DSCAM: variants seen among roughly 807,000 people sequenced by gnomAD.
DSCAM encodes the protein cell adhesion molecule DSCAM.
A neutral mutation model predicts 217.7 loss-of-function variants in DSCAM; 47 were observed. That is an observed-to-expected ratio of 0.22 (90% CI 0.17 to 0.28). DSCAM has a LOEUF of 0.28. Among genes scored for constraint, DSCAM ranks in the 10% least tolerant of loss-of-function variants. The probability of loss-of-function intolerance (pLI) is 1.00; values close to 1 mark genes in which losing one functional copy is unlikely to be tolerated. For synonymous variants in DSCAM, 1,056 were observed against 1,015.3 expected, an observed-to-expected ratio of 1.04 and a Z score of -0.76; for missense variants, 2,080 against 2,618.3, an observed-to-expected ratio of 0.79 and a Z score of 4.49.
rs114960592 is a variant in DSCAM at position 40,582,360 on chromosome 21, G to T, written c.508+110450C>A. Among the ~76,000 whole-genome samples the T allele has an allele frequency of 9.3e-4, 141 of 152,164 alleles. 2 individuals carry two copies. The highest frequency in any genetic ancestry group is 3.4e-3 in the African/African-American group (140 of 41,504). The stretch of plus-strand genomic sequence containing the variant: ...TCGGTTTGCAGGTTTTTAATTTTCT[G>T]TGAGTCCAAAAATGGGACAAAATAT... On this transcript the variant is annotated intron_variant, in intron 3 of 32. Transcript: ENST00000400454.
rs577685763 is a variant in DSCAM at position 40,521,651 on chromosome 21, C to T, written c.509-152406G>A. Among the ~76,000 whole-genome samples, 16 of 152,100 alleles carry T rather than the reference C, an allele frequency of 1.1e-4. No individual in the cohort carries two copies. The East Asian group carries it at 1.5e-3, about 15-fold the overall frequency. On this transcript the variant is annotated intron_variant, in intron 3 of 32. Coordinates refer to ENST00000400454, the MANE Select transcript of DSCAM (RefSeq NM_001389.5). ...ACCCCTCAAATACCACGTTTTCACT[C>T]ATATGTGAAATCTAAAGTCAATCTT...
chr21:40,330,181 T>C (rs959488760), intron 8 of DSCAM, among the ~76,000 whole-genome samples: 1 of 150,212 alleles, frequency 6.7e-6, no homozygotes, highest in Non-Finnish European at 1.5e-5. Flanking sequence ...ATTTACAATG[T>C]AAAAAATCAT....
At chr21:40,842,799 A>T (rs927536028) in intron 1 of DSCAM, among the ~76,000 whole-genome samples, 3 of 152,164 alleles carry the variant, frequency 2.0e-5, no homozygotes, top group Non-Finnish European at 2.9e-5. Context: ...TGACTCACTG[A>T]TCCCCCGAGG....
At chr21:40,311,581 G>C (rs1234488123) in intron 9 of DSCAM, among the ~76,000 whole-genome samples, 2 of 152,128 alleles carry the variant, frequency 1.3e-5, no homozygotes, top group African/African-American at 4.8e-5. Flanking sequence ...TAGATTTAAT[G>C]CTAAATAGAA....
intron 1 of DSCAM, among the ~76,000 whole-genome samples, chr21:40,831,223 A>T (rs571927179): frequency 1.3e-5 from 2 of 152,362 alleles, no homozygotes; most frequent in South Asian, 4.1e-4. Context: ...CTCAGAAGAC[A>T]TATATCACAT....
At chr21:40,121,313 T>C (rs1466590067) in intron 20 of DSCAM, among the ~76,000 whole-genome samples, 1 of 152,234 alleles carries the variant, frequency 6.6e-6, no homozygotes, top group Non-Finnish European at 1.5e-5. Flanking sequence ...GAATAATGGA[T>C]ACTATTTACA....
intron 3 of DSCAM, among the ~76,000 whole-genome samples, chr21:40,516,912 C>CAT (rs2076304690): frequency 7.0e-6 from 1 of 143,374 alleles, no homozygotes; most frequent in African/African-American, 2.6e-5. Context: ...TATATACACA[C>CAT]ACACACATAT....
At chr21:40,784,815 C>G (rs1167751756) in intron 1 of DSCAM, among the ~76,000 whole-genome samples, 2 of 152,172 alleles carry the variant, frequency 1.3e-5, no homozygotes, top group East Asian at 3.9e-4. Context: ...CCTTCTGCTG[C>G]TTTAATGTTA....
chr21:40,214,193 C>T (rs113957311), intron 11 of DSCAM, among the ~76,000 whole-genome samples: 1 of 152,202 alleles, frequency 6.6e-6, no homozygotes. Context: ...TGCTTTCTCT[C>T]CAACTAGTCA....
chr21:40,292,549 A>G (rs1212610729), intron 10 of DSCAM, among the ~76,000 whole-genome samples: 1 of 152,112 alleles, frequency 6.6e-6, no homozygotes, highest in Non-Finnish European at 1.5e-5. Context: ...TAAGAGACAG[A>G]CACTACTGCA....
At chr21:40,511,892 G>A (rs2076260517) in intron 3 of DSCAM, among the ~76,000 whole-genome samples, 1 of 149,266 alleles carries the variant, frequency 6.7e-6, no homozygotes. Flanking sequence ...TAGGGAGGCT[G>A]AGGCAGGAGA....
At chr21:40,142,872 A>C (rs534796812) in intron 17 of DSCAM, among the ~76,000 whole-genome samples, 168 bp from the exon 18 acceptor site, 5 of 152,234 alleles carry the variant, frequency 3.3e-5, no homozygotes. Flanking sequence ...AAATCTTATG[A>C]TAACTCAGTG....
intron 19 of DSCAM, among the ~76,000 whole-genome samples, chr21:40,130,651 A>C (rs1208380065): frequency 6.6e-6 from 1 of 152,200 alleles, no homozygotes; most frequent in African/African-American, 2.4e-5. Context: ...GACTATGTCC[A>C]TGGCCCTGAG....
intron 1 of DSCAM, among the ~76,000 whole-genome samples, chr21:40,753,231 T>C (rs1379375043): frequency 6.6e-6 from 1 of 152,234 alleles, no homozygotes; most frequent in Non-Finnish European, 1.5e-5. Flanking sequence ...GGGGTATTCC[T>C]TGGTCTGTTA....
intron 3 of DSCAM, among the ~76,000 whole-genome samples, chr21:40,538,833 G>A (rs748790435): frequency 2.6e-5 from 4 of 152,060 alleles, no homozygotes; most frequent in Non-Finnish European, 4.4e-5. Context: ...ATACATTTCT[G>A]CTCTAATTTA....
At chr21:40,395,095 T>C (rs994294939) in intron 3 of DSCAM, among the ~76,000 whole-genome samples, 4 of 152,238 alleles carry the variant, frequency 2.6e-5, no homozygotes, top group African/African-American at 4.8e-5. Context: ...AAGATTGTTA[T>C]GAAAATTCTA....
At chr21:40,817,743 C>A (rs1242934588) in intron 1 of DSCAM, among the ~76,000 whole-genome samples, 3 of 152,164 alleles carry the variant, frequency 2.0e-5, no homozygotes, top group Non-Finnish European at 4.4e-5. Context: ...AATTTGTCAT[C>A]ATTTATATGA....
At chr21:40,073,846 G>T (rs1340499557) in intron 27 of DSCAM, among the ~76,000 whole-genome samples, 2 of 152,090 alleles carry the variant, frequency 1.3e-5, no homozygotes, top group East Asian at 1.9e-4. Flanking sequence ...TAATTGGTTC[G>T]CACGATTGCG....
intron 11 of DSCAM, among the ~76,000 whole-genome samples, chr21:40,245,082 G>A (rs2146949389): frequency 6.6e-6 from 1 of 152,340 alleles, no homozygotes; most frequent in Middle Eastern, 3.4e-3. Context: ...TCCAATGCCA[G>A]CCCAAGTGTC....
Sources: allele counts gnomAD v4.1 joint callset (sites outside exome capture counted in the v4.1 genomes callset), GRCh38; gene constraint gnomAD v4.1.1; transcripts MANE v1.5; gene names NCBI Gene and HGNC (gene_info 2026-07-23, HGNC 2026-07-21).